The following EPHA6 variants were observed in gnomAD, a reference collection of about 807,000 sequenced individuals.
The protein encoded by EPHA6 is ephrin type-A receptor 6.
In EPHA6, 50 loss-of-function variants were observed where a neutral mutation model predicts 112.0. The ratio of observed to expected loss-of-function variants is 0.45; its 90% confidence interval spans 0.36 to 0.56. The LOEUF (loss-of-function observed/expected upper bound fraction) is 0.56, where lower values mean the gene tolerates loss of function less well. Among genes scored for constraint, EPHA6 ranks in the 20% least tolerant of loss-of-function variants. The pLI is 0.00. For synonymous variants in EPHA6, 529 were observed against 490.7 expected (o/e 1.08, Z -1.03); for missense variants, 1,280 against 1,417.4 (o/e 0.90, Z 1.56).
intron 11 of EPHA6, among the ~76,000 whole-genome samples, chr3:97,551,264 A>T (rs912806133): frequency 4.6e-5 from 7 of 152,166 alleles, no homozygotes; most frequent in African/African-American, 1.2e-4. Context: ...TAGTTGTGAA[A>T]TGAATACAGA....
chr3:97,103,598 T>C (rs1477906961), intron 3 of EPHA6, among the ~76,000 whole-genome samples: 1 of 152,194 alleles, frequency 6.6e-6, no homozygotes, highest in Admixed American at 6.6e-5. Context: ...TTCTTTTTGC[T>C]TAGAATTTCC....
chr3:97,199,022 C>A (rs2077512605), intron 3 of EPHA6, among the ~76,000 whole-genome samples: 1 of 152,012 alleles, frequency 6.6e-6, no homozygotes, highest in Admixed American at 6.6e-5. Flanking sequence ...TTGCAGTTGA[C>A]CAGGGTGAAC....
At chr3:97,616,630 A>G (rs551490716) in intron 13 of EPHA6, among the ~76,000 whole-genome samples, 10 of 152,318 alleles carry the variant, frequency 6.6e-5, no homozygotes, top group African/African-American at 1.7e-4. Flanking sequence ...GAATTTCATA[A>G]TGTAATCACA....
Position 97,336,665 on chromosome 3 carries a change from G to A in EPHA6, c.1607-68485G>A, listed in dbSNP as rs566188272. 4.6e-5 allele frequency among the ~76,000 whole-genome samples: 7 copies of A among 152,166 alleles called. No individual in the cohort carries two copies. The South Asian group carries it at 8.3e-4, about 18-fold the overall frequency. On this transcript the variant is annotated intron_variant, in intron 5 of 17. Coordinates refer to ENST00000389672, the MANE Select transcript of EPHA6 (RefSeq NM_001080448.3). ...TCTTCTACTGTTCTGAAGTGCTTACGAAAGTTTTATTTTCATTCTTAGCAA... is the reference window on the plus strand; with the variant it reads ...TCTTCTACTGTTCTGAAGTGCTTACAAAAGTTTTATTTTCATTCTTAGCAA...
At chr3:97,521,923 C>CAAAAA (rs754123519) in intron 10 of EPHA6, among the ~76,000 whole-genome samples, 1 of 87,966 alleles carries the variant, frequency 1.1e-5, no homozygotes. Flanking sequence ...GAGCCTTTTT[C>CAAAAA]AAAAAAAAAA....
At chr3:97,080,915 T>A (rs1283369212) in intron 3 of EPHA6, among the ~76,000 whole-genome samples, 1 of 152,014 alleles carries the variant, frequency 6.6e-6, no homozygotes, top group East Asian at 1.9e-4. Flanking sequence ...CTTTAATAGT[T>A]GTATTTACAC....
At chr3:97,720,465 G>T in intron 15 of EPHA6, 55 bp downstream of exon 15, 1 of 1,482,270 alleles carries the variant, frequency 6.7e-7, no homozygotes, top group Non-Finnish European at 9.1e-7. Flanking sequence ...ACATTAGCTT[G>T]AGGGGGAATT....
chr3:97,720,417 GCT>G lies in EPHA6; in HGVS notation c.2934+8_2934+9del. The G allele has an allele frequency of 6.3e-7, 1 of 1,586,910 alleles. No homozygotes were observed. Among genetic ancestry groups the G allele is most frequent in the Non-Finnish European group, 8.6e-7 (1 of 1,169,188 alleles). ...GGAAATGTCTAACCAAGATGTAAGT[GCT>G]ACCGATAGTTAAACTGCCATTTTGT... On this transcript the variant is annotated splice_region_variant and intron_variant, in intron 15 of 17. Coordinates refer to ENST00000389672, the MANE Select transcript of EPHA6 (RefSeq NM_001080448.3).
chr3:97,562,592 G>A (rs1476151144), intron 11 of EPHA6, among the ~76,000 whole-genome samples: 1 of 152,188 alleles, frequency 6.6e-6, no homozygotes, highest in Non-Finnish European at 1.5e-5. Flanking sequence ...TCTACTCCTA[G>A]TGAAGATGCT....
At chr3:96,865,947 C>T (rs992773769) in intron 1 of EPHA6, among the ~76,000 whole-genome samples, 8 of 152,104 alleles carry the variant, frequency 5.3e-5, no homozygotes, top group African/African-American at 1.7e-4. Flanking sequence ...TCGTTTCTAT[C>T]ATCTAACTTT....
chr3:97,690,961 T>G (rs1352120390), intron 14 of EPHA6, among the ~76,000 whole-genome samples: 1 of 152,230 alleles, frequency 6.6e-6, no homozygotes, highest in Non-Finnish European at 1.5e-5. Context: ...TCAATTTTAT[T>G]TTTTCTTTTA....
intron 5 of EPHA6, among the ~76,000 whole-genome samples, chr3:97,264,497 G>T (rs1335157834): frequency 6.6e-6 from 1 of 152,216 alleles, no homozygotes; most frequent in Non-Finnish European, 1.5e-5. Context: ...ATCCGAAACT[G>T]CAGGGACCCA....
chr3:96,887,516 C>T (rs950537646), intron 2 of EPHA6, among the ~76,000 whole-genome samples: 1 of 152,090 alleles, frequency 6.6e-6, no homozygotes, highest in Admixed American at 6.6e-5. Context: ...CAACAGGACT[C>T]CTTGAAGGTT....
intron 5 of EPHA6, among the ~76,000 whole-genome samples, chr3:97,276,635 G>A (rs765704614): frequency 8.5e-5 from 13 of 152,228 alleles, no homozygotes; most frequent in South Asian, 2.1e-4. Context: ...TTTGATGGCC[G>A]GAATTTAATT....
At chr3:97,072,891 C>T (rs1427178886) in intron 3 of EPHA6, among the ~76,000 whole-genome samples, 2 of 152,072 alleles carry the variant, frequency 1.3e-5, no homozygotes, top group African/African-American at 4.8e-5. Flanking sequence ...TAGTACCAGT[C>T]AGCAATTAAA....
At chr3:97,463,243 T>A (rs1439969603) in intron 7 of EPHA6, among the ~76,000 whole-genome samples, 1 of 152,134 alleles carries the variant, frequency 6.6e-6, no homozygotes, top group African/African-American at 2.4e-5. Context: ...AATGCTTTTT[T>A]AAGCAGTAAG....
intron 1 of EPHA6, among the ~76,000 whole-genome samples, chr3:96,826,743 G>A (rs1429898373): frequency 1.3e-5 from 2 of 151,964 alleles, no homozygotes; most frequent in Non-Finnish European, 1.5e-5. Context: ...TTTTAATTGT[G>A]TTTATTACAG....
chr3:96,853,720 T>A (rs940118669), intron 1 of EPHA6, among the ~76,000 whole-genome samples: 3 of 152,040 alleles, frequency 2.0e-5, no homozygotes, highest in African/African-American at 7.2e-5. Flanking sequence ...TTCCTTTTAA[T>A]CATTTTTTTT....
intron 11 of EPHA6, among the ~76,000 whole-genome samples, chr3:97,577,562 T>G (rs934264488): frequency 1.3e-5 from 2 of 152,188 alleles, no homozygotes; most frequent in Non-Finnish European, 2.9e-5. Flanking sequence ...CCAATTTTTA[T>G]GCTCTTTAGT....
Sources: gnomAD v4.1 joint callset for allele counts (sites outside exome capture counted in the v4.1 genomes callset) on GRCh38, gnomAD v4.1.1 for gene constraint, MANE v1.5 for transcripts, NCBI Gene and HGNC (gene_info 2026-07-23, HGNC 2026-07-21) for gene names.